Variants in CTBP2 observed in about 807,000 individuals in gnomAD.
CTBP2 encodes the protein C-terminal-binding protein 2.
In CTBP2, 30 loss-of-function variants were observed where a neutral mutation model predicts 80.3. The ratio of observed to expected loss-of-function variants is 0.37; its 90% CI spans 0.28 to 0.51. The LOEUF (loss-of-function observed/expected upper bound fraction) is 0.51, where lower values mean the gene tolerates loss of function less well. CTBP2 is among the 20% of genes least tolerant of loss of function. The probability of loss-of-function intolerance (pLI) is 0.93; values close to 1 mark genes in which losing one functional copy is unlikely to be tolerated. For synonymous variants in CTBP2, 594 were observed against 587.4 expected, an observed-to-expected ratio of 1.01 and a Z score of -0.16; for missense variants, 1,212 against 1,375.3, an observed-to-expected ratio of 0.88 and a Z score of 1.88.
At chr10:125,045,242 G>C (rs1296810202) in intron 2 of CTBP2, among the ~76,000 whole-genome samples, 1 of 152,160 alleles carries the variant, frequency 6.6e-6, no homozygotes, top group Non-Finnish European at 1.5e-5. Flanking sequence ...TCCTGGATCT[G>C]CCAGATCATT....
At position 125,015,245 on chromosome 10, in the gene CTBP2, G is replaced by C. The variant is rs138817023; in HGVS notation, c.1678+10837C>G. Among the ~76,000 whole-genome samples the C allele has an allele frequency of 6.0e-3, 913 of 152,338 alleles. 9 individuals carry two copies. Among genetic ancestry groups the C allele is most frequent in the African/African-American group, 0.021 (860 of 41,572 alleles). On this transcript the variant is annotated intron_variant, in intron 1 of 8. Transcript: ENST00000309035. ...GTGAGGTGGGAAAACCCGCTTGCCAGCAAGTGACCAACACAAAAGAAAAAA... is the reference window on the plus strand; with the variant it reads ...GTGAGGTGGGAAAACCCGCTTGCCACCAAGTGACCAACACAAAAGAAAAAA...
chr10:125,095,660 C>T (rs1451151136), intron 2 of CTBP2, among the ~76,000 whole-genome samples: 1 of 152,194 alleles, frequency 6.6e-6, no homozygotes, highest in East Asian at 1.9e-4. Context: ...GTCTGGGTGG[C>T]TCCTGATGAC....
At chr10:125,043,341 T>C (rs897940819) in intron 2 of CTBP2, among the ~76,000 whole-genome samples, 9 of 152,216 alleles carry the variant, frequency 5.9e-5, no homozygotes, top group Non-Finnish European at 1.0e-4. Flanking sequence ...CTCGCCACCA[T>C]CATGAGGTTC....
intron 1 of CTBP2, among the ~76,000 whole-genome samples, chr10:125,017,073 C>A (rs1296132148): frequency 6.6e-6 from 1 of 152,198 alleles, no homozygotes; most frequent in Non-Finnish European, 1.5e-5. Context: ...CTTAATGAGG[C>A]AGGGCCAGAA....
chr10:125,014,934 T>G (rs542441769), intron 1 of CTBP2, among the ~76,000 whole-genome samples: 1 of 152,230 alleles, frequency 6.6e-6, no homozygotes, highest in African/African-American at 2.4e-5. Context: ...TCCAAGCGAA[T>G]AAAAACCAAG....
At chr10:125,025,973 T>C in intron 1 of CTBP2, 1 of 1,361,320 alleles carries the variant, frequency 7.3e-7, no homozygotes, top group East Asian at 2.3e-5. Flanking sequence ...TGTGTGTGTG[T>C]GTGGCCTGGT....
chr10:125,129,573 G>A (rs1855812413), intron 1 of CTBP2, among the ~76,000 whole-genome samples: 1 of 152,096 alleles, frequency 6.6e-6, no homozygotes, highest in African/African-American at 2.4e-5. Flanking sequence ...GTGTCCTGCC[G>A]AACCCGGGGG....
chr10:125,137,243 C>T (rs371080075), intron 1 of CTBP2, among the ~76,000 whole-genome samples: 61 of 152,310 alleles, frequency 4.0e-4, no homozygotes, highest in Non-Finnish European at 7.8e-4. Flanking sequence ...TTTGCTAGGA[C>T]GTGGGCCTCA....
In CTBP2 at chr10:125,001,632, A is replaced by G. The variant is rs1031044353; in HGVS notation, c.1978+1328T>C. ...AGGACCCTAAGGGGTGTGGAATCTGAGTGACTCTCTCTCCTTCCCTGGCCT... is the reference window on the plus strand; with the variant it reads ...AGGACCCTAAGGGGTGTGGAATCTGGGTGACTCTCTCTCCTTCCCTGGCCT... On this transcript the variant is annotated intron_variant, in intron 3 of 8. Transcript: ENST00000309035. 11 of 152,158 alleles carry G rather than the reference A, an allele frequency of 7.2e-5. 1 individual carries two copies. The highest frequency in any genetic ancestry group is 2.9e-5 in the Non-Finnish European group (2 of 68,110). 9.4% of individuals were successfully genotyped at this position (152,158 alleles called of 1,614,324 possible).
intron 3 of CTBP2, 134 bp from the exon 6 acceptor site, chr10:124,998,304 C>T (rs979758838): frequency 8.0e-6 from 8 of 994,728 alleles, no homozygotes; most frequent in Admixed American, 4.7e-5. Context: ...CTAGCAGACG[C>T]GGGGCTGGGC....
chr10:125,066,113 C>CT lies in CTBP2; in HGVS notation c.-101-26959dup, dbSNP rs1163537840. Among the ~76,000 whole-genome samples the CT allele has an allele frequency of 6.6e-6, 1 of 151,840 alleles. No individual in the cohort carries two copies. Among genetic ancestry groups the CT allele is most frequent in the African/African-American group, 2.4e-5 (1 of 41,324 alleles). ...CGTCATCTTCTTGATGGTGAACTCC[C>CT]TCTAATGCTCAGGCTGATGTCCTAA... is the stretch of plus-strand genomic sequence containing the variant. On this transcript the variant is annotated intron_variant, in intron 2 of 10. Coordinates refer to the CTBP2 transcript ENST00000337195. This position sits in a 1 kb window ranked among gnomAD's most constrained non-coding sequence, Gnocchi z 4.1.
intron 7 of CTBP2, 121 bp from the exon 10 acceptor site, chr10:124,992,933 G>T: frequency 1.1e-6 from 1 of 904,954 alleles, no homozygotes; most frequent in Non-Finnish European, 1.7e-6. Flanking sequence ...ACATCCAAAG[G>T]CCCAAGTGCT....
chr10:125,132,226 G>A (rs1174128122), intron 1 of CTBP2, among the ~76,000 whole-genome samples: 3 of 151,872 alleles, frequency 2.0e-5, no homozygotes, highest in African/African-American at 7.3e-5. Context: ...GCAAAAACAG[G>A]TTCATGTTCT....
chr10:125,022,570 T>C (rs777972294), intron 1 of CTBP2, among the ~76,000 whole-genome samples: 8 of 152,226 alleles, frequency 5.3e-5, no homozygotes, highest in Non-Finnish European at 7.3e-5. Flanking sequence ...AAGCTCACGC[T>C]GGGCTCTGCC....
chr10:125,146,568 C>A (rs1858817432), intron 1 of CTBP2, among the ~76,000 whole-genome samples: 4 of 152,188 alleles, frequency 2.6e-5, no homozygotes, highest in Non-Finnish European at 5.9e-5. Context: ...TAGGCATGAG[C>A]CACCCCACCT....
intron 1 of CTBP2, among the ~76,000 whole-genome samples, chr10:125,019,335 CA>C (rs1295920451): frequency 6.6e-6 from 1 of 151,966 alleles, no homozygotes; most frequent in Non-Finnish European, 1.5e-5. Flanking sequence ...ATAAACTTAC[CA>C]AAAAAACCTC....
Position 125,102,847 on chromosome 10 carries a change from G to A in CTBP2, c.-102+8143C>T, listed in dbSNP as rs866891243. Among the ~76,000 whole-genome samples, 5 of 152,348 alleles carry A rather than the reference G, an allele frequency of 3.3e-5. No homozygotes were observed. In the South Asian group the frequency reaches 6.2e-4, roughly 19 times the overall value. ...TGTCTCGAGGGACCCAGGCCTACAG[G>A]ACTTGCAGAGCCAGTGGGCCTTCTT... On this transcript the variant is annotated intron_variant, in intron 2 of 10. Coordinates refer to the CTBP2 transcript ENST00000337195.
At chr10:125,144,730 G>A (rs1204817982) in intron 1 of CTBP2, among the ~76,000 whole-genome samples, 51 of 152,186 alleles carry the variant, frequency 3.4e-4, no homozygotes, top group Admixed American at 3.3e-3. Flanking sequence ...GCTCACACGG[G>A]CCAATGTTAA....
rs3208603 is a variant in CTBP2, at chr10:124,989,011, G to A, written c.*507C>T. 3.1e-5 allele frequency: 6 copies of A among 195,100 alleles called. No homozygotes were observed. Among genetic ancestry groups the A allele is most frequent in the South Asian group, 8.7e-5 (1 of 11,458 alleles). The allele number at this position is 195,100 out of a possible 1,614,324, so 12.1% of individuals were successfully genotyped here. ...GCCTGTACTGTCTTCAATCCTATGC[G>A]TGCAGGTGTCTACCACAGGCAAACA... On this transcript the variant is annotated 3_prime_UTR_variant, in exon 9 of 9. Transcript: ENST00000309035.
Sources: allele counts gnomAD v4.1 joint callset (sites outside exome capture counted in the v4.1 genomes callset), GRCh38; gene constraint gnomAD v4.1.1; non-coding constraint Gnocchi (gnomAD v3.1); transcripts MANE v1.5; gene names NCBI Gene and HGNC (gene_info 2026-07-23, HGNC 2026-07-21).